The following DST variants were observed in gnomAD, a reference collection of about 807,000 sequenced individuals.
DST encodes the protein dystonin.
In DST, 253 loss-of-function variants were observed where a neutral mutation model predicts 875.2. That is an observed-to-expected ratio of 0.29 (90% CI 0.26 to 0.32). DST has a LOEUF of 0.32. DST is among the 10% of genes least tolerant of loss of function. The pLI is 1.00. For missense variants in DST, 8,287 were observed against 9,111.6 expected (o/e 0.91, Z 3.68); for synonymous variants, 3,124 against 3,197.1 (o/e 0.98, Z 0.77).
chr6:56,866,729 C>T (rs1774311342), intron 3 of DST, among the ~76,000 whole-genome samples: 1 of 152,188 alleles, frequency 6.6e-6, no homozygotes, highest in South Asian at 2.1e-4. Context: ...TTGTCTGTCT[C>T]CTCCACCAGA....
At chr6:56,902,496 T>C (rs1592272278) in intron 2 of DST, among the ~76,000 whole-genome samples, 1 of 152,124 alleles carries the variant, frequency 6.6e-6, no homozygotes, top group African/African-American at 2.4e-5. Flanking sequence ...GGCTGAAGGA[T>C]ATGAAGAAAG....
chr6:56,699,796 C>T lies in DST; in HGVS notation c.955-51G>A, dbSNP rs114158270. ...AAACCAACTGTTTATCAAACCTGAACCAGTTATCTTTACCTACATAAAAGC... is the reference window on the plus strand; with the variant it reads ...AAACCAACTGTTTATCAAACCTGAATCAGTTATCTTTACCTACATAAAAGC... On this transcript the variant is annotated intron_variant, in intron 8 of 103. Transcript: ENST00000680361. 3.3e-4 allele frequency: 271 copies of T among 813,922 alleles called. No homozygotes were observed. The African/African-American group carries it at 4.5e-3, about 14-fold the overall frequency. 50.4% of individuals were successfully genotyped at this position (813,922 alleles called of 1,614,324 possible).
intron 4 of DST, among the ~76,000 whole-genome samples, chr6:56,822,955 G>T (rs1449940300): frequency 1.3e-5 from 2 of 150,972 alleles, no homozygotes; most frequent in Non-Finnish European, 3.0e-5. Context: ...TCAGCCTCCC[G>T]AGTAGCTGGG....
chr6:56,528,937 G>A lies in DST; in HGVS notation c.17596-12C>T, dbSNP rs1272871766. The A allele has an allele frequency of 1.3e-6, 2 of 1,553,672 alleles. No homozygotes were observed. The highest frequency in any genetic ancestry group is 1.9e-5 in the Admixed American group (1 of 53,344). On this transcript the variant is annotated splice_polypyrimidine_tract_variant and intron_variant, in intron 66 of 103. Transcript: ENST00000680361. ...TCCTCTTGCAGAACCTGAAAACACA[G>A]GTACCATTTTTATGTGGGGGGAAAA...
intron 69 of DST, among the ~76,000 whole-genome samples, chr6:56,525,269 T>G (rs969232235): frequency 8.5e-5 from 13 of 152,114 alleles, no homozygotes; most frequent in Admixed American, 8.5e-4. Context: ...TAAATAAACT[T>G]CACAAATAAA....
intron 36 of DST, chr6:56,616,499 A>G (rs751005673): frequency 3.7e-6 from 6 of 1,614,030 alleles, no homozygotes; most frequent in Middle Eastern, 1.6e-4. Context: ...CCTCTCCCCA[A>G]ATGGAAACAG....
At position 56,552,621 on chromosome 6, in the gene DST, T is replaced by C. The variant is rs1318775742; in HGVS notation, c.16171A>G (p.Ile5391Val). ...GCGAACTGAGAAAACATTTCTCGAA[T>C]GGTATTCTGGAAATGCCCAATGCCC... is the stretch of plus-strand genomic sequence containing the variant. Reference protein sequence around the residue: ...LQGIGHFQNTIREMFSQFAEF... With the variant: ...LQGIGHFQNTVREMFSQFAEF... The change falls in exon 61 of 104, where the codon ATT (isoleucine) becomes GTT (valine). Residue 5391 changes from isoleucine (I) to valine (V), a missense_variant. Ile to Val is a conservative substitution (Grantham distance 29). This residue lies in a region of DST where 1,513 missense variants were observed against 1,677.8 expected (regional missense o/e 0.90). Transcript: ENST00000680361. 3 of 1,613,798 alleles carry C rather than the reference T, an allele frequency of 1.9e-6. No individual in the cohort carries two copies. In the African/African-American group the frequency reaches 4.0e-5, roughly 22 times the overall value.
chr6:56,763,068 T>G (rs1006428785), intron 4 of DST, among the ~76,000 whole-genome samples: 3 of 152,034 alleles, frequency 2.0e-5, no homozygotes, highest in Non-Finnish European at 2.9e-5. Flanking sequence ...CAGGCTGGTC[T>G]CGAACTCCTG....
intron 4 of DST, among the ~76,000 whole-genome samples, chr6:56,766,285 C>G (rs1381696409): frequency 1.3e-5 from 2 of 152,148 alleles, no homozygotes; most frequent in Non-Finnish European, 2.9e-5. Context: ...CATGACATTT[C>G]CACATCATGA....
intron 4 of DST, among the ~76,000 whole-genome samples, chr6:56,763,341 C>T (rs1167287904): frequency 6.6e-6 from 1 of 152,114 alleles, no homozygotes; most frequent in Non-Finnish European, 1.5e-5. Context: ...TCAAGTCCAA[C>T]ATGTCCTAGC....
At chr6:56,811,876 C>T (rs1255213233) in intron 4 of DST, among the ~76,000 whole-genome samples, 2 of 151,908 alleles carry the variant, frequency 1.3e-5, no homozygotes, top group Non-Finnish European at 1.5e-5. Context: ...AGGTAGATCA[C>T]TTGAGGCCAG....
intron 36 of DST, chr6:56,619,908 T>C (rs756889883): frequency 3.1e-6 from 5 of 1,614,198 alleles, no homozygotes; most frequent in Non-Finnish European, 4.2e-6. Flanking sequence ...TCAGCCTTTC[T>C]ATTGGCAGCT....
intron 4 of DST, among the ~76,000 whole-genome samples, chr6:56,831,799 T>A (rs1312416974): frequency 6.6e-6 from 1 of 152,006 alleles, no homozygotes; most frequent in African/African-American, 2.4e-5. Context: ...AAAGACTGAG[T>A]ACAAAATACG....
intron 4 of DST, among the ~76,000 whole-genome samples, chr6:56,820,214 C>T (rs1218588918): frequency 1.3e-5 from 2 of 152,196 alleles, no homozygotes; most frequent in Non-Finnish European, 2.9e-5. Context: ...ACTTTAAGTA[C>T]CTAGTTCAAG....
chr6:56,950,953 T>C (rs1396809657), intron 2 of DST, among the ~76,000 whole-genome samples: 3 of 152,220 alleles, frequency 2.0e-5, no homozygotes, highest in Non-Finnish European at 4.4e-5. Flanking sequence ...ATTATATACT[T>C]AGTGAGGAGA....
At chr6:56,478,392 C>A (rs1043212249) in intron 90 of DST, among the ~76,000 whole-genome samples, 1 of 152,076 alleles carries the variant, frequency 6.6e-6, no homozygotes, top group East Asian at 1.9e-4. Context: ...AGAACTGTCC[C>A]TTTAAAATGC....
At chr6:56,809,117 C>T (rs2099756772) in intron 4 of DST, among the ~76,000 whole-genome samples, 1 of 152,146 alleles carries the variant, frequency 6.6e-6, no homozygotes, top group Admixed American at 6.5e-5. Context: ...AACCTCCCCA[C>T]CTTCTCTTGA....
At chr6:56,668,491 TAGC>T (rs1301638028) in intron 10 of DST, among the ~76,000 whole-genome samples, 1 of 152,070 alleles carries the variant, frequency 6.6e-6, no homozygotes, top group East Asian at 1.9e-4. Flanking sequence ...CCTGTAATCC[TAGC>T]ACACTGGGAG....
chr6:56,517,346 A>C (rs764793450), intron 70 of DST, 41 bp from the exon 71 acceptor site: 20 of 1,594,544 alleles, frequency 1.3e-5, no homozygotes, highest in Admixed American at 5.0e-5. Context: ...AAAACAAGAA[A>C]TTGTATGACT....
Sources: allele counts gnomAD v4.1 joint callset (sites outside exome capture counted in the v4.1 genomes callset), GRCh38; gene constraint gnomAD v4.1.1; regional missense constraint gnomAD v4.1.1; transcripts MANE v1.5; gene names NCBI Gene and HGNC (gene_info 2026-07-23, HGNC 2026-07-21).